Variants in BAIAP2 observed in about 807,000 individuals in gnomAD.
BAIAP2 encodes BAR/IMD domain-containing adapter protein 2.
BAIAP2 carries 18 observed loss-of-function variants against 63.0 expected under a neutral mutation model. The ratio of observed to expected loss-of-function variants is 0.29; its 90% confidence interval spans 0.20 to 0.42. The LOEUF (loss-of-function observed/expected upper bound fraction) is 0.42, where lower values mean the gene tolerates loss of function less well. Among genes scored for constraint, BAIAP2 ranks in the 10% least tolerant of loss-of-function variants. BAIAP2 has a pLI of 1.00. For missense variants in BAIAP2, 610 were observed against 734.3 expected (o/e 0.83, Z 1.96); for synonymous variants, 386 against 307.6 (o/e 1.25, Z -2.67).
intron 6 of BAIAP2, among the ~76,000 whole-genome samples, chr17:81,092,302 G>A (rs1210930914): frequency 1.3e-5 from 2 of 152,282 alleles, no homozygotes; most frequent in East Asian, 3.9e-4. Flanking sequence ...CGAGGCCGAG[G>A]CCCCCGATGC....
At chr17:81,104,804 G>A (rs1386215904) in intron 10 of BAIAP2, 89 bp downstream of exon 10, 3 of 1,361,134 alleles carry the variant, frequency 2.2e-6, no homozygotes, top group African/African-American at 2.9e-5. Flanking sequence ...GAGACCTTGT[G>A]TTTAGAGTGG....
chr17:81,070,771 C>T (rs995674102), intron 3 of BAIAP2, among the ~76,000 whole-genome samples: 3 of 152,200 alleles, frequency 2.0e-5, no homozygotes, highest in African/African-American at 7.2e-5. Flanking sequence ...ACCCGGGAGC[C>T]CCCGTCTGCC....
intron 1 of BAIAP2, among the ~76,000 whole-genome samples, chr17:81,052,134 G>A (rs982202248): frequency 5.9e-5 from 9 of 152,152 alleles, no homozygotes; most frequent in African/African-American, 4.8e-5. Flanking sequence ...CCCTCACGCC[G>A]GGTCCTGCTT....
chr17:81,079,210 C>G (rs1277569631), intron 3 of BAIAP2, among the ~76,000 whole-genome samples: 1 of 152,196 alleles, frequency 6.6e-6, no homozygotes, highest in Non-Finnish European at 1.5e-5. Context: ...AGCAGGGGCC[C>G]AGCCGGGGTC....
intron 3 of BAIAP2, among the ~76,000 whole-genome samples, chr17:81,078,419 G>A (rs2054055392): frequency 6.9e-6 from 1 of 145,984 alleles, no homozygotes; most frequent in African/African-American, 2.6e-5. Context: ...CGCTGTGGGT[G>A]CAGGTGCCAT....
At chr17:81,048,766 C>T (rs1175738517) in intron 1 of BAIAP2, among the ~76,000 whole-genome samples, 2 of 152,198 alleles carry the variant, frequency 1.3e-5, no homozygotes, top group African/African-American at 4.8e-5. Context: ...GCTAGGGTCC[C>T]TGCTGTGGTC....
At chr17:81,063,332 C>T (rs1309917459) in intron 3 of BAIAP2, among the ~76,000 whole-genome samples, 1 of 152,160 alleles carries the variant, frequency 6.6e-6, no homozygotes, top group African/African-American at 2.4e-5. Flanking sequence ...TCTTAGGGTC[C>T]ATCTGTCATC....
intron 13 of BAIAP2, among the ~76,000 whole-genome samples, chr17:81,111,631 T>G (rs750152458): frequency 6.6e-6 from 1 of 152,214 alleles, no homozygotes; most frequent in Non-Finnish European, 1.5e-5. Flanking sequence ...CCATTATGGG[T>G]CCAATTCCAG....
intron 13 of BAIAP2, among the ~76,000 whole-genome samples, chr17:81,115,035 T>TG (rs750480489): frequency 8.5e-5 from 13 of 152,150 alleles, no homozygotes; most frequent in Non-Finnish European, 1.9e-4. Flanking sequence ...CCTCCGGGGG[T>TG]GGGGACTCCA....
At chr17:81,069,490 C>T (rs984003748) in intron 3 of BAIAP2, among the ~76,000 whole-genome samples, 2 of 152,320 alleles carry the variant, frequency 1.3e-5, no homozygotes, top group Non-Finnish European at 2.9e-5. Flanking sequence ...CCTGGCTTCT[C>T]GGCGGCCCCC....
intron 3 of BAIAP2, among the ~76,000 whole-genome samples, chr17:81,081,666 T>TG (rs899398189): frequency 4.6e-5 from 7 of 152,196 alleles, no homozygotes; most frequent in Non-Finnish European, 8.8e-5. Flanking sequence ...CGAGTGAGCC[T>TG]GGGGTAGGGC....
chr17:81,105,757 C>T (rs1159404667), intron 10 of BAIAP2: 4 of 277,722 alleles, frequency 1.4e-5, no homozygotes, highest in South Asian at 1.3e-4. Context: ...AATCTTGGTG[C>T]CATCCGTGGC....
intron 13 of BAIAP2, chr17:81,109,965 G>C (rs927722143): frequency 1.0e-6 from 1 of 985,338 alleles, no homozygotes; most frequent in African/African-American, 1.7e-5. Context: ...GAAACAGGCG[G>C]TTCCTGCCCG....
At chr17:81,054,710 A>G (rs1286200680) in intron 2 of BAIAP2, among the ~76,000 whole-genome samples, 2 of 152,048 alleles carry the variant, frequency 1.3e-5, no homozygotes, top group African/African-American at 4.8e-5. Context: ...GGTGTGGGGG[A>G]CTGGTGGCTG....
intron 6 of BAIAP2, among the ~76,000 whole-genome samples, chr17:81,093,920 T>C (rs968366915): frequency 1.3e-5 from 2 of 152,124 alleles, no homozygotes; most frequent in African/African-American, 4.8e-5. Context: ...TAAGGCTGTC[T>C]GTGGACAACC....
chr17:81,104,782 C>T (rs1442461800), intron 10 of BAIAP2, 67 bp downstream of exon 10: 1 of 1,444,682 alleles, frequency 6.9e-7, no homozygotes, highest in African/African-American at 1.4e-5. Flanking sequence ...GGCAGCGACA[C>T]TCAAGTGCAC....
At chr17:81,054,998 C>T (rs1048745985) in intron 2 of BAIAP2, among the ~76,000 whole-genome samples, 6 of 152,208 alleles carry the variant, frequency 3.9e-5, no homozygotes, top group Non-Finnish European at 8.8e-5. Flanking sequence ...GCAGCATCTT[C>T]ATGGGCAGAG....
At chr17:81,103,445 T>C in intron 7 of BAIAP2, 57 bp from the exon 8 acceptor site, 3 of 1,487,804 alleles carry the variant, frequency 2.0e-6, no homozygotes, top group South Asian at 2.4e-5. Context: ...GCGCTGTGCC[T>C]GGCTGCAGGA....
At chr17:81,054,142 A>G (rs112105597) in intron 2 of BAIAP2, among the ~76,000 whole-genome samples, 25 of 35,950 alleles carry the variant, frequency 7.0e-4, no homozygotes, top group Admixed American at 1.5e-3. Flanking sequence ...CTGTGCCCGG[A>G]CCCCGTGGGG....
Sources: gnomAD v4.1 joint callset for allele counts (sites outside exome capture counted in the v4.1 genomes callset) on GRCh38, gnomAD v4.1.1 for gene constraint, MANE v1.5 for transcripts, NCBI Gene and HGNC (gene_info 2026-07-23, HGNC 2026-07-21) for gene names.